HSD17B14: variants seen among roughly 807,000 people sequenced by gnomAD.
The protein encoded by HSD17B14 is L-fucose dehydrogenase.
HSD17B14 carries 32 observed loss-of-function variants against 32.2 expected under a neutral mutation model. The observed-to-expected ratio is 0.99, with a 90% confidence interval of 0.75 to 1.33. The LOEUF is 1.33. HSD17B14 is among the 40% of genes most tolerant of loss of function. The pLI is 0.00. For synonymous variants in HSD17B14, 140 were observed against 155.4 expected (o/e 0.90, Z 0.74); for missense variants, 370 against 366.5 (o/e 1.01, Z -0.08).
Position 48,831,434 on chromosome 19 carries a change from T to C in HSD17B14, c.369+234A>G, listed in dbSNP as rs574971238. ...CTGGTTTTGTGGCCCGCACCTGTAA[T>C]CCCAGTTACTCAGGAGGCTGAGGCA... On this transcript the variant is annotated intron_variant, in intron 5 of 8. Coordinates refer to ENST00000263278, the MANE Select transcript of HSD17B14 (RefSeq NM_016246.3). 1.5e-4 allele frequency among the ~76,000 whole-genome samples: 23 copies of C among 152,120 alleles called. No individual in the cohort carries two copies. In the South Asian group the frequency reaches 4.6e-3, roughly 30 times the overall value.
At chr19:48,832,828 AC>A (rs2035368952) in intron 3 of HSD17B14, 96 bp from the exon 4 acceptor site, 5 of 1,025,294 alleles carry the variant, frequency 4.9e-6, no homozygotes, top group African/African-American at 3.2e-5. Flanking sequence ...ATCTTGGCTC[AC>A]TGCAACTTCA....
intron 5 of HSD17B14, among the ~76,000 whole-genome samples, chr19:48,816,810 T>TCTTTCTTTCTTTCTTG (rs1491402135): frequency 1.2e-5 from 1 of 86,316 alleles, no homozygotes; most frequent in Non-Finnish European, 2.4e-5. Flanking sequence ...TTTCTTTCTT[T>TCTTTCTTTCTTTCTTG]CTTTCTTTCT....
chr19:48,813,167 GAGAGAAATC>G lies in HSD17B14; in HGVS notation c.812_*7del. 1 of 1,574,084 alleles carries G rather than the reference GAGAGAAATC, an allele frequency of 6.4e-7. No homozygotes were observed. The highest frequency in any genetic ancestry group is 8.6e-7 in the Non-Finnish European group (1 of 1,158,138). On this transcript the variant is annotated stop_lost and 3_prime_UTR_variant, in exon 9 of 9. Transcript: ENST00000263278. ...TAGGAAGGGGGCCCCAAGTAGAAAT[GAGAGAAATC>G]AGGAAGGGATATCGGGGGCGTCCAC...
chr19:48,813,087 C>A lies in HSD17B14; in HGVS notation c.*88G>T. 1.2e-6 allele frequency: 1 copy of A among 847,014 alleles called. No individual in the cohort carries two copies. Among genetic ancestry groups the A allele is most frequent in the South Asian group, 1.8e-5 (1 of 56,490 alleles). 52.5% of individuals were successfully genotyped at this position (847,014 alleles called of 1,614,324 possible). A position where few individuals can be genotyped will look rare whatever the true frequency, so the allele number is the denominator to read the frequency against. ...GCACCTTGCTAACTGGGCTTAGAGT[C>A]TAAGGGCTTGGGGGCTGCATCTGAT... is the stretch of plus-strand genomic sequence containing the variant. On this transcript the variant is annotated 3_prime_UTR_variant, in exon 9 of 9. Coordinates refer to ENST00000263278, the MANE Select transcript of HSD17B14 (RefSeq NM_016246.3).
intron 5 of HSD17B14, among the ~76,000 whole-genome samples, chr19:48,821,639 GTGATGGTGA>G (rs892033448): frequency 2.0e-5 from 3 of 151,770 alleles, no homozygotes; most frequent in East Asian, 1.9e-4. Context: ...GATTTTGATG[GTGATGGTGA>G]TGATGGTGAT....
At chr19:48,831,578 G>A (rs770306783) in intron 5 of HSD17B14, 90 bp downstream of exon 5, 17 of 907,170 alleles carry the variant, frequency 1.9e-5, no homozygotes, top group Non-Finnish European at 3.0e-5. Context: ...TAAAAAGAAC[G>A]GAAAACATTT....
At chr19:48,828,615 G>T (rs1310391055) in intron 5 of HSD17B14, among the ~76,000 whole-genome samples, 1 of 151,228 alleles carries the variant, frequency 6.6e-6, no homozygotes, top group African/African-American at 2.4e-5. Flanking sequence ...GTCTCAAAAA[G>T]TAATTAAAAT....
At chr19:48,818,391 G>C (rs947487486) in intron 5 of HSD17B14, among the ~76,000 whole-genome samples, 1 of 151,016 alleles carries the variant, frequency 6.6e-6, no homozygotes, top group Admixed American at 6.6e-5. Flanking sequence ...ACCAGCCTCT[G>C]CCCTCCTCCT....
At chr19:48,820,809 C>A (rs1329726936) in intron 5 of HSD17B14, among the ~76,000 whole-genome samples, 2 of 151,556 alleles carry the variant, frequency 1.3e-5, no homozygotes, top group Non-Finnish European at 2.9e-5. Context: ...TCGAGACCTG[C>A]CTGGGCAATA....
intron 4 of HSD17B14, 116 bp downstream of exon 4, chr19:48,832,550 G>T (rs959081789): frequency 4.4e-6 from 4 of 918,724 alleles, no homozygotes; most frequent in Non-Finnish European, 5.3e-6. Flanking sequence ...CAAGTGGCTA[G>T]AAAGAGGTAT....
At chr19:48,832,073 A>C (rs1283338262) in intron 4 of HSD17B14, among the ~76,000 whole-genome samples, 1 of 115,034 alleles carries the variant, frequency 8.7e-6, no homozygotes, top group African/African-American at 3.9e-5. Flanking sequence ...GTGAGACCCC[A>C]TCTCAGAAAA....
intron 5 of HSD17B14, among the ~76,000 whole-genome samples, chr19:48,820,501 G>GT (rs1408954795): frequency 6.6e-6 from 1 of 151,388 alleles, no homozygotes; most frequent in African/African-American, 2.4e-5. Flanking sequence ...GGCTTGGTCA[G>GT]TACTTGACTA....
chr19:48,822,178 A>T (rs1373587522), intron 5 of HSD17B14, among the ~76,000 whole-genome samples: 1 of 140,882 alleles, frequency 7.1e-6, no homozygotes, highest in East Asian at 2.4e-4. Context: ...GATGGTGATG[A>T]TGGTGGTAAT....
chr19:48,816,022 GAAA>G (rs71179053), intron 5 of HSD17B14, among the ~76,000 whole-genome samples: 3 of 74,322 alleles, frequency 4.0e-5, no homozygotes, highest in African/African-American at 8.6e-5. Flanking sequence ...CTCCGTTTCA[GAAA>G]AAAAAAAAAA....
chr19:48,817,440 A>G (rs2035076254), intron 5 of HSD17B14, among the ~76,000 whole-genome samples: 1 of 152,108 alleles, frequency 6.6e-6, no homozygotes, highest in Admixed American at 6.5e-5. Context: ...CGGCCTCCCA[A>G]AGTGCTGGGA....
chr19:48,831,965 C>A (rs544215556), intron 4 of HSD17B14, among the ~76,000 whole-genome samples: 1 of 150,158 alleles, frequency 6.7e-6, no homozygotes, highest in Non-Finnish European at 1.5e-5. Flanking sequence ...ATATTCCCAG[C>A]TACTCAGGAG....
chr19:48,832,880 A>G (rs2035369775), intron 3 of HSD17B14, 148 bp from the exon 4 acceptor site: 2 of 669,316 alleles, frequency 3.0e-6, no homozygotes, highest in Non-Finnish European at 2.6e-6. Context: ...CAGCCTCCCA[A>G]GTAGCTGGGA....
At chr19:48,813,383 G>A (rs550158216) in intron 8 of HSD17B14, 35 bp from the exon 9 acceptor site, 2 of 1,556,626 alleles carry the variant, frequency 1.3e-6, no homozygotes, top group South Asian at 1.2e-5. Flanking sequence ...AGGTCAAGAG[G>A]AGCCCCACTT....
Position 48,813,454 on chromosome 19 carries a change from A to G in HSD17B14, c.639+2T>C, listed in dbSNP as rs2034997257. The G allele has an allele frequency of 6.2e-7, 1 of 1,607,650 alleles. No individual in the cohort carries two copies. Among genetic ancestry groups the G allele is most frequent in the South Asian group, 1.1e-5 (1 of 90,130 alleles). ...CCACCTGGATCTGAACCCCACTTCTACCTGGGCCAGCATGCCCTCTCGGAT... is the reference window on the plus strand; with the variant it reads ...CCACCTGGATCTGAACCCCACTTCTGCCTGGGCCAGCATGCCCTCTCGGAT... On this transcript the variant is annotated splice_donor_variant, in intron 8 of 8. Transcript: ENST00000263278. LOFTEE classifies it high-confidence loss of function.
Sources: gnomAD v4.1 joint callset for allele counts (sites outside exome capture counted in the v4.1 genomes callset) on GRCh38, gnomAD v4.1.1 for gene constraint, MANE v1.5 for transcripts, NCBI Gene and HGNC (gene_info 2026-07-23, HGNC 2026-07-21) for gene names.